PTPRG: variants seen among roughly 807,000 people sequenced by gnomAD.
PTPRG encodes the protein receptor-type tyrosine-protein phosphatase gamma.
Under a neutral mutation model 165.3 loss-of-function variants are expected in PTPRG, and 102 were observed. The observed-to-expected ratio is 0.62, with a 90% CI of 0.53 to 0.73. PTPRG has a LOEUF of 0.73. Ranked by LOEUF, PTPRG falls within the 30% of genes least tolerant of loss-of-function variation. The pLI is 0.00. For synonymous variants in PTPRG, 675 were observed against 669.5 expected (o/e 1.01, Z -0.13); for missense variants, 1,866 against 1,861.4 (o/e 1.00, Z -0.05).
At position 61,678,218 on chromosome 3, in the gene PTPRG, C is replaced by G. The variant is rs1454840602; in HGVS notation, c.86-70660C>G. ...AAGATGGAAGATGAATGGAAAATGA[C>G]TGTCGTTCTAAAAGACACTTGAAAA... is the stretch of plus-strand genomic sequence containing the variant. On this transcript the variant is annotated intron_variant, in intron 1 of 29. Transcript: ENST00000474889. Among the ~76,000 whole-genome samples the G allele has an allele frequency of 7.9e-5, 12 of 152,276 alleles. 1 individual carries two copies. In the East Asian group the frequency reaches 2.3e-3, roughly 29 times the overall value.
chr3:62,172,289 G>A (rs1011140371), intron 8 of PTPRG, among the ~76,000 whole-genome samples: 6 of 152,120 alleles, frequency 3.9e-5, no homozygotes, highest in African/African-American at 1.4e-4. Context: ...TGGGTCATAT[G>A]GTAACTTTCT....
At chr3:61,883,731 G>A (rs962899660) in intron 2 of PTPRG, among the ~76,000 whole-genome samples, 2 of 152,038 alleles carry the variant, frequency 1.3e-5, no homozygotes, top group African/African-American at 4.8e-5. Flanking sequence ...GTGGAGTGGG[G>A]CCAGGTCTCA....
intron 5 of PTPRG, 66 bp downstream of exon 5, chr3:62,078,324 G>A (rs939803252): frequency 8.6e-7 from 1 of 1,158,928 alleles, no homozygotes; most frequent in East Asian, 2.5e-5. Context: ...TTGCCGAATT[G>A]TTCCATGTTT....
intron 1 of PTPRG, among the ~76,000 whole-genome samples, chr3:61,571,547 G>A (rs546859884): frequency 2.0e-5 from 3 of 152,224 alleles, no homozygotes; most frequent in East Asian, 3.9e-4. Context: ...ATTTGGTTAC[G>A]TTGAAGAGAT....
rs377282177 is a variant in PTPRG at position 62,037,053 on chromosome 3, GATA to G, written c.519+33562_519+33564del. Among the ~76,000 whole-genome samples the G allele has an allele frequency of 1.1e-3, 172 of 152,052 alleles. 1 individual carries two copies. Among genetic ancestry groups the G allele is most frequent in the African/African-American group, 3.9e-3 (162 of 41,450 alleles). ...AAGCCACTAATAGTAATTATTTAATGATAATAATCTTTGCTTGCATTATCTAAT... is the reference window on the plus strand; with the variant it reads ...AAGCCACTAATAGTAATTATTTAATGATAATCTTTGCTTGCATTATCTAAT... On this transcript the variant is annotated intron_variant, in intron 4 of 29. Transcript: ENST00000474889.
chr3:62,188,340 A>G (rs1699717601), intron 8 of PTPRG, among the ~76,000 whole-genome samples: 1 of 152,166 alleles, frequency 6.6e-6, no homozygotes, highest in African/African-American at 2.4e-5. Flanking sequence ...CAGCCACTGC[A>G]CTCCAGCCTG....
At chr3:62,095,963 G>A (rs1702095170) in intron 5 of PTPRG, among the ~76,000 whole-genome samples, 1 of 152,142 alleles carries the variant, frequency 6.6e-6, no homozygotes, top group South Asian at 2.1e-4. Flanking sequence ...CACAAAAAGA[G>A]CCTTGAAGGC....
At chr3:62,205,283 A>C (rs1266170542) in intron 12 of PTPRG, among the ~76,000 whole-genome samples, 2 of 152,174 alleles carry the variant, frequency 1.3e-5, no homozygotes, top group Non-Finnish European at 1.5e-5. Flanking sequence ...TGTTTCTGTA[A>C]GAACAGTGAC....
chr3:62,193,025 C>T (rs1267924717), intron 9 of PTPRG, among the ~76,000 whole-genome samples: 2 of 152,074 alleles, frequency 1.3e-5, no homozygotes, highest in African/African-American at 4.8e-5. Flanking sequence ...ATCTGGGTCA[C>T]GTTAGGGAAT....
intron 1 of PTPRG, among the ~76,000 whole-genome samples, chr3:61,736,452 C>CT (rs59588072): frequency 0.17 from 25,880 of 151,514 alleles, 2,937 homozygotes; most frequent in East Asian, 0.51. Context: ...TAACTATTAT[C>CT]TTTTTTTTCC....
chr3:61,569,606 A>G (rs1242727701), intron 1 of PTPRG, among the ~76,000 whole-genome samples: 2 of 152,180 alleles, frequency 1.3e-5, no homozygotes, highest in African/African-American at 2.4e-5. Context: ...GGCCTGAGCC[A>G]TTGCTCCTGG....
intron 2 of PTPRG, among the ~76,000 whole-genome samples, chr3:61,816,475 T>A (rs1355091737): frequency 1.3e-5 from 2 of 152,122 alleles, no homozygotes; most frequent in Admixed American, 1.3e-4. Context: ...GAGGTTGCAG[T>A]GAGCCAGGAT....
intron 15 of PTPRG, among the ~76,000 whole-genome samples, chr3:62,249,803 T>A (rs1701371000): frequency 6.6e-6 from 1 of 152,154 alleles, no homozygotes; most frequent in Non-Finnish European, 1.5e-5. Context: ...CCAAAGAATA[T>A]CATTTCAATC....
intron 1 of PTPRG, among the ~76,000 whole-genome samples, chr3:61,640,585 G>A (rs999192582): frequency 2.6e-5 from 4 of 152,230 alleles, no homozygotes; most frequent in African/African-American, 7.2e-5. Context: ...AAGGAAAGAT[G>A]TTAGCTGTTT....
intron 1 of PTPRG, among the ~76,000 whole-genome samples, chr3:61,719,579 A>T (rs2031962404): frequency 6.6e-6 from 1 of 152,184 alleles, no homozygotes; most frequent in African/African-American, 2.4e-5. Context: ...AAGGTGGAAT[A>T]AACCTAACTG....
At chr3:61,958,325 T>C (rs1201324959) in intron 2 of PTPRG, among the ~76,000 whole-genome samples, 3 of 152,074 alleles carry the variant, frequency 2.0e-5, no homozygotes, top group Non-Finnish European at 2.9e-5. Context: ...ACATGGAGTT[T>C]CCCCATGTTG....
chr3:61,759,842 T>C (rs896537973), intron 2 of PTPRG, among the ~76,000 whole-genome samples: 2 of 152,014 alleles, frequency 1.3e-5, no homozygotes, highest in Non-Finnish European at 2.9e-5. Flanking sequence ...TTTGTACTAA[T>C]AGGTCTTTAA....
At chr3:61,577,499 C>G (rs966442395) in intron 1 of PTPRG, among the ~76,000 whole-genome samples, 1 of 151,914 alleles carries the variant, frequency 6.6e-6, no homozygotes, top group African/African-American at 2.4e-5. Context: ...ATTTCAAAGA[C>G]AAATGAAAAA....
At chr3:61,742,851 G>A in intron 1 of PTPRG, 1 of 1,575,068 alleles carries the variant, frequency 6.3e-7, no homozygotes, top group Admixed American at 1.7e-5. Context: ...GCGCCTCGAT[G>A]TCCATGTGGG....
Sources: gnomAD v4.1 joint callset for allele counts (sites outside exome capture counted in the v4.1 genomes callset) on GRCh38, gnomAD v4.1.1 for gene constraint, MANE v1.5 for transcripts, NCBI Gene and HGNC (gene_info 2026-07-23, HGNC 2026-07-21) for gene names.